Variants in OTOG observed in about 807,000 individuals in gnomAD.
The protein encoded by OTOG is otogelin.
OTOG carries 296 observed loss-of-function variants against 313.8 expected under a neutral mutation model. That is an observed-to-expected ratio of 0.94 (90% CI 0.86 to 1.04). The LOEUF (loss-of-function observed/expected upper bound fraction) is 1.04, where lower values mean the gene tolerates loss of function less well. OTOG is among the 50% of genes least tolerant of loss of function. OTOG has a pLI of 0.00. For missense variants in OTOG, 3,948 were observed against 3,840.1 expected, an observed-to-expected ratio of 1.03 and a Z score of -0.74; for synonymous variants, 1,533 against 1,554.9, an observed-to-expected ratio of 0.99 and a Z score of 0.33.
chr11:17,596,820 C>A, intron 29 of OTOG, 31 bp from the exon 30 acceptor site: 1 of 1,540,618 alleles, frequency 6.5e-7, no homozygotes, highest in Non-Finnish European at 8.8e-7. Flanking sequence ...TGGGATCTGT[C>A]CTCTGACCTC....
intron 15 of OTOG, among the ~76,000 whole-genome samples, chr11:17,563,399 A>G (rs1007776075): frequency 6.6e-6 from 1 of 152,238 alleles, no homozygotes; most frequent in Non-Finnish European, 1.5e-5. Context: ...GTGTCACTCC[A>G]TGGCCCTGGG....
intron 6 of OTOG, among the ~76,000 whole-genome samples, chr11:17,555,326 G>A (rs1485346658): frequency 6.6e-6 from 1 of 152,134 alleles, no homozygotes; most frequent in Admixed American, 6.5e-5. Flanking sequence ...GGGAGTGTGT[G>A]TATAGTGTGT....
rs1192863092 is a variant in OTOG at position 17,578,467 on chromosome 11, G to A, written c.2700G>A (p.Leu900=). ...LSRERTCEQQ[L]LNLSVSARGP... is the part of the protein sequence containing the mutation. ...GGGAGAGGACGTGTGAGCAGCAACT[G>A]CTGAACCTGAGCGTGTCAGCCCGTG... The change falls in exon 23 of 56, where the codon CTG becomes CTA. Residue 900 remains leucine, a synonymous_variant. Transcript: ENST00000399397. The A allele has an allele frequency of 6.5e-7, 1 of 1,541,274 alleles. No homozygotes were observed. Among genetic ancestry groups the A allele is most frequent in the Admixed American group, 2.0e-5 (1 of 50,994 alleles).
Position 17,608,398 on chromosome 11 carries a change from G to T in OTOG, c.4259G>T (p.Cys1420Phe). The change falls in exon 34 of 56, where the codon TGC becomes TTC. Residue 1420 changes from cysteine to phenylalanine, a missense_variant. Coordinates refer to ENST00000399397, the MANE Select transcript of OTOG (RefSeq NM_001292063.2). ...QTCRDPRAAS[C>F]RDVPRVEGCV... ...TGCCGGGACCCACGGGCAGCCAGCT[G>T]CCGGGACGTACCCAGGTGAGATGCC... The T allele has an allele frequency of 1.9e-6, 3 of 1,542,806 alleles. No homozygotes were observed. The highest frequency in any genetic ancestry group is 2.6e-6 in the Non-Finnish European group (3 of 1,143,928).
chr11:17,608,309 G>C lies in OTOG; in HGVS notation c.4170G>C (p.Ser1390=), dbSNP rs765085598. ...CTCACTTTCTAGATGCCAAGCCCTC[G>C]GGGGCTGCCTACCCCATCTGCGAGT... ...TLFRLLDAKP[S]GAAYPICEWR... The change falls in exon 34 of 56, where the codon TCG becomes TCC. Residue 1390 remains serine, a synonymous_variant. Coordinates refer to ENST00000399397, the MANE Select transcript of OTOG (RefSeq NM_001292063.2). 5.2e-6 allele frequency: 8 copies of C among 1,533,466 alleles called. No homozygotes were observed. The highest frequency in any genetic ancestry group is 5.3e-6 in the Non-Finnish European group (6 of 1,139,006). The allele number at this position is 1,533,466 out of a possible 1,614,324, so 95.0% of individuals were successfully genotyped here. A position where few individuals can be genotyped will look rare whatever the true frequency, so the allele number is the denominator to read the frequency against.
intron 39 of OTOG, among the ~76,000 whole-genome samples, chr11:17,617,342 T>C (rs942430457): frequency 6.6e-6 from 1 of 152,204 alleles, no homozygotes; most frequent in Non-Finnish European, 1.5e-5. Flanking sequence ...GAAAGTATTC[T>C]CCCCTTTTTA....
chr11:17,548,135 ACTCGTGTTTC>A lies in OTOG; in HGVS notation c.156-13_156-4del. The A allele has an allele frequency of 6.5e-7, 1 of 1,543,408 alleles. No homozygotes were observed. Among genetic ancestry groups the A allele is most frequent in the South Asian group, 1.2e-5 (1 of 82,798 alleles). ...CATCCTAGCCCCCCATCCATGCCAGACTCGTGTTTCCTCCAGCAGCAGCCACCAGGAGGCG... is the reference window on the plus strand; with the variant it reads ...CATCCTAGCCCCCCATCCATGCCAGACTCCAGCAGCAGCCACCAGGAGGCG... On this transcript the variant is annotated splice_region_variant and splice_polypyrimidine_tract_variant and intron_variant, in intron 2 of 55. Transcript: ENST00000399397.
intron 46 of OTOG, 27 bp from the exon 47 acceptor site, chr11:17,635,583 G>A: frequency 1.3e-6 from 2 of 1,527,652 alleles, no homozygotes; most frequent in Non-Finnish European, 1.8e-6. Flanking sequence ...GGACTGCTGT[G>A]ACAGCATTGA....
chr11:17,636,460 A>G (rs1181718644), intron 47 of OTOG, among the ~76,000 whole-genome samples: 1 of 152,156 alleles, frequency 6.6e-6, no homozygotes, highest in Non-Finnish European at 1.5e-5. Context: ...TTTTTCTTAC[A>G]CAGAACAGAG....
chr11:17,617,492 G>C (rs1853750087), intron 39 of OTOG, among the ~76,000 whole-genome samples: 1 of 152,164 alleles, frequency 6.6e-6, no homozygotes, highest in Admixed American at 6.5e-5. Context: ...AGTAGGTGTA[G>C]AGCTATTTTG....
rs1395966706 is a variant in OTOG, at chr11:17,558,223, T to C, written c.904T>C (p.Trp302Arg). The C allele has an allele frequency of 6.4e-7, 1 of 1,550,394 alleles. No homozygotes were observed. The highest frequency in any genetic ancestry group is 8.7e-7 in the Non-Finnish European group (1 of 1,146,946). ...TDDVVEFVHS[W>R]QEQAPNQPPG... ...CGACGTGGTTGAGTTTGTGCACAGC[T>C]GGCAGGAGCAGGCCCCTAACCAGCC... The change falls in exon 9 of 56, where the codon TGG becomes CGG. Residue 302 changes from tryptophan (W) to arginine (R), a missense_variant. Physicochemically the swap from Trp to Arg is moderately radical, Grantham distance 101. Coordinates refer to ENST00000399397, the MANE Select transcript of OTOG (RefSeq NM_001292063.2).
chr11:17,575,864 T>G (rs544252730), intron 20 of OTOG, among the ~76,000 whole-genome samples: 3 of 152,184 alleles, frequency 2.0e-5, no homozygotes, highest in African/African-American at 7.2e-5. Context: ...TAAGCAGCAC[T>G]GGAGCTGGAA....
At chr11:17,597,315 G>A (rs1853135906) in intron 30 of OTOG, among the ~76,000 whole-genome samples, 1 of 152,210 alleles carries the variant, frequency 6.6e-6, no homozygotes, top group African/African-American at 2.4e-5. Context: ...CACTTTGTTA[G>A]AAGAGTCAGG....
Position 17,629,194 on chromosome 11 carries a change from A to G in OTOG, c.6590A>G (p.Asp2197Gly). 1 of 1,550,602 alleles carries G rather than the reference A, an allele frequency of 6.4e-7. No individual in the cohort carries two copies. Among genetic ancestry groups the G allele is most frequent in the Non-Finnish European group, 8.7e-7 (1 of 1,146,992 alleles). Residue 2197 changes from aspartate to glycine, a missense_variant, in exon 40 of 56, where the codon GAC (aspartate) becomes GGC (glycine). Physicochemically the swap from Asp to Gly is moderately conservative, Grantham distance 94. Coordinates refer to ENST00000399397, the MANE Select transcript of OTOG (RefSeq NM_001292063.2). ...AGCAGGTATGGATTCAGAATTGAGG[A>G]CACAGGCCACATGTACATGATCCTG... ...PVSRYGFRIE[D>G]TGHMYMILTP... is the part of the protein sequence containing the mutation.
rs1848065436 is a variant in OTOG, at chr11:17,645,839, G to A, written c.8637G>A (p.Glu2879=). The change falls in exon 56 of 56, where the codon GAG becomes GAA. Residue 2879 remains glutamate (E), a synonymous_variant. Transcript: ENST00000399397. Reference sequence around the variant, plus strand: ...CCCGATTCTGCAAGTGCTGCCGTGAGGTGGGCCTGCAGCGGCGCTCTGTGC... The same window carrying A: ...CCCGATTCTGCAAGTGCTGCCGTGAAGTGGGCCTGCAGCGGCGCTCTGTGC... ...TYARFCKCCR[E]VGLQRRSVQL... is the part of the protein sequence containing the mutation. The A allele has an allele frequency of 6.4e-7, 1 of 1,550,894 alleles. No individual in the cohort carries two copies. Among genetic ancestry groups the A allele is most frequent in the Non-Finnish European group, 8.7e-7 (1 of 1,147,094 alleles).
chr11:17,580,086 A>G lies in OTOG; in HGVS notation c.2759+1560A>G, dbSNP rs539555935. ...CTGCCTAGGACCCTTGGGACCCATG[A>G]TCACCTCTGTGCATGAGAGTTCCGA... is the stretch of plus-strand genomic sequence containing the variant. On this transcript the variant is annotated intron_variant, in intron 23 of 55. Transcript: ENST00000399397. Among the ~76,000 whole-genome samples the G allele has an allele frequency of 8.5e-5, 13 of 152,300 alleles. 1 individual carries two copies. In the South Asian group the frequency reaches 2.7e-3, roughly 32 times the overall value.
intron 54 of OTOG, 42 bp from the exon 55 acceptor site, chr11:17,645,522 C>T: frequency 6.5e-7 from 1 of 1,540,708 alleles, no homozygotes; most frequent in Non-Finnish European, 8.8e-7. Context: ...CCCGAAGAAG[C>T]CTGGTCTTGG....
chr11:17,607,714 C>T (rs1219812073), intron 33 of OTOG, among the ~76,000 whole-genome samples: 2 of 152,162 alleles, frequency 1.3e-5, no homozygotes, highest in African/African-American at 4.8e-5. Context: ...AGGGCTGAGT[C>T]GGGGGAATAA....
chr11:17,612,110 G>C, intron 36 of OTOG, 52 bp from the exon 37 acceptor site: 1 of 1,541,004 alleles, frequency 6.5e-7, no homozygotes, highest in South Asian at 1.2e-5. Context: ...AGCTTGCAGG[G>C]TGGGCTGTAG....
Sources: gnomAD v4.1 joint callset for allele counts (sites outside exome capture counted in the v4.1 genomes callset) on GRCh38, gnomAD v4.1.1 for gene constraint, MANE v1.5 for transcripts, NCBI Gene and HGNC (gene_info 2026-07-23, HGNC 2026-07-21) for gene names.